SPEF2: variants seen among roughly 807,000 people sequenced by gnomAD.
SPEF2 encodes sperm flagella and cilia-associated protein 2.
Under a neutral mutation model 224.6 loss-of-function variants are expected in SPEF2, and 187 were observed. That is an observed-to-expected ratio of 0.83 (90% CI 0.74 to 0.94). The LOEUF is 0.94. Among genes scored for constraint, SPEF2 ranks in the 40% least tolerant of loss-of-function variants. SPEF2 has a pLI of 0.00. For synonymous variants in SPEF2, 715 were observed against 707.3 expected, an observed-to-expected ratio of 1.01 and a Z score of -0.17; for missense variants, 2,170 against 2,135.6, an observed-to-expected ratio of 1.02 and a Z score of -0.32.
At chr5:35,676,054 A>T in intron 10 of SPEF2, 1 of 454,808 alleles carries the variant, frequency 2.2e-6, no homozygotes, top group Non-Finnish European at 4.4e-6. Context: ...TCAAGACGTT[A>T]GACCAGAATT....
At chr5:35,770,423 G>A (rs566221037) in intron 26 of SPEF2, among the ~76,000 whole-genome samples, 6 of 151,928 alleles carry the variant, frequency 3.9e-5, no homozygotes, top group Admixed American at 6.6e-5. Flanking sequence ...CTATAGTCAC[G>A]GTGCTGGGCA....
Position 35,670,098 on chromosome 5 carries a change from AT to A in SPEF2, c.1401del (p.Phe467LeufsTer33). The A allele has an allele frequency of 6.2e-7, 1 of 1,610,006 alleles. No individual in the cohort carries two copies. The highest frequency in any genetic ancestry group is 8.5e-7 in the Non-Finnish European group (1 of 1,178,246). ...AGTTGATGCATGATTGGAAGGAACT[AT>A]TTTTTAATGCAAAACCCATATATGA... ...YKLMHDWKEL[F>X]FNAKPIYEQA... On this transcript the variant is annotated frameshift_variant, in exon 10 of 37. Coordinates refer to ENST00000356031, the MANE Select transcript of SPEF2 (RefSeq NM_024867.4). LOFTEE classifies it high-confidence loss of function.
At chr5:35,722,732 G>A (rs926469925) in intron 20 of SPEF2, among the ~76,000 whole-genome samples, 23 of 141,454 alleles carry the variant, frequency 1.6e-4, no homozygotes, top group Middle Eastern at 3.4e-3. Context: ...GAGAATATGC[G>A]GTGTTTGGTT....
At chr5:35,805,803 G>T (rs1757981615) in intron 34 of SPEF2, among the ~76,000 whole-genome samples, 2 of 152,194 alleles carry the variant, frequency 1.3e-5, no homozygotes, top group South Asian at 4.1e-4. Flanking sequence ...CCTACTGCAT[G>T]TACTACTTTG....
intron 18 of SPEF2, among the ~76,000 whole-genome samples, chr5:35,706,367 A>G (rs1213315872): frequency 6.6e-6 from 1 of 151,926 alleles, no homozygotes; most frequent in Non-Finnish European, 1.5e-5. Context: ...TATCTTACCC[A>G]CATAAAACTG....
At chr5:35,743,953 C>A (rs553857450) in intron 23 of SPEF2, among the ~76,000 whole-genome samples, 9 of 152,320 alleles carry the variant, frequency 5.9e-5, no homozygotes, top group Admixed American at 2.0e-4. Context: ...GGTAAAGAAG[C>A]CAACATAGTA....
intron 20 of SPEF2, among the ~76,000 whole-genome samples, chr5:35,719,251 G>T (rs6875846): frequency 0.74 from 112,056 of 152,074 alleles, 41,865 homozygotes; most frequent in Middle Eastern, 0.83. Flanking sequence ...AAAATATAGG[G>T]GAAAACTTAA....
intron 10 of SPEF2, among the ~76,000 whole-genome samples, chr5:35,676,920 C>T (rs11953910): frequency 0.027 from 4,064 of 152,144 alleles, 143 homozygotes; most frequent in African/African-American, 0.074. Context: ...CACCCCTGTC[C>T]GGTGTCAGGA....
rs1309365896 is a variant in SPEF2, at chr5:35,763,588, A to G, written c.3687A>G (p.Ser1229=). ...ETVTPKPKTK[S]VLKGKMDNSL... ...TTACACCCAAACCAAAAACAAAATCAGTACTGAAGGGCAAGATGGATAACT... is the reference window on the plus strand; with the variant it reads ...TTACACCCAAACCAAAAACAAAATCGGTACTGAAGGGCAAGATGGATAACT... Residue 1229 remains serine, a synonymous_variant, in exon 26 of 37, where the codon TCA becomes TCG. Coordinates refer to ENST00000356031, the MANE Select transcript of SPEF2 (RefSeq NM_024867.4). 1 of 1,613,370 alleles carries G rather than the reference A, an allele frequency of 6.2e-7. No individual in the cohort carries two copies. The highest frequency in any genetic ancestry group is 8.5e-7 in the Non-Finnish European group (1 of 1,179,798).
rs899639741 is a variant in SPEF2 at position 35,644,525 on chromosome 5, G to A, written c.585G>A (p.Lys195=). The change falls in exon 4 of 37, where the codon AAG becomes AAA. Residue 195 remains lysine (K), a splice_region_variant and synonymous_variant. Coordinates refer to ENST00000356031, the MANE Select transcript of SPEF2 (RefSeq NM_024867.4). ...KEEQRCFDIE[K]QYLNRRRQNE... is the part of the protein sequence containing the mutation. The stretch of plus-strand genomic sequence containing the variant: ...AGCAAAGATGTTTTGATATTGAAAA[G>A]GTTCTATAGAACTATTTTTTCAGAA... The A allele has an allele frequency of 1.3e-6, 2 of 1,589,100 alleles. No individual in the cohort carries two copies. Among genetic ancestry groups the A allele is most frequent in the South Asian group, 1.2e-5 (1 of 86,598 alleles).
At chr5:35,658,685 C>A (rs1749291318) in intron 7 of SPEF2, among the ~76,000 whole-genome samples, 1 of 151,606 alleles carries the variant, frequency 6.6e-6, no homozygotes, top group African/African-American at 2.4e-5. Context: ...TATTTCATCA[C>A]CCAGATATTA....
At chr5:35,692,034 G>A (rs897386826) in intron 11 of SPEF2, among the ~76,000 whole-genome samples, 28 of 151,756 alleles carry the variant, frequency 1.8e-4, no homozygotes, top group East Asian at 2.0e-4. Context: ...TCCTGATCTC[G>A]TGATCCACCC....
chr5:35,740,826 G>T (rs2149693053), intron 23 of SPEF2, among the ~76,000 whole-genome samples: 1 of 152,136 alleles, frequency 6.6e-6, no homozygotes, highest in South Asian at 2.1e-4. Flanking sequence ...CTTTAGAAAG[G>T]GGCCTCTGAT....
At chr5:35,800,612 C>T (rs1177944743) in intron 34 of SPEF2, among the ~76,000 whole-genome samples, 1 of 152,174 alleles carries the variant, frequency 6.6e-6, no homozygotes, top group Non-Finnish European at 1.5e-5. Context: ...TGTCCAAGGA[C>T]AAAGAAGCTT....
chr5:35,668,115 C>A (rs1425610775), intron 9 of SPEF2, among the ~76,000 whole-genome samples: 3 of 152,090 alleles, frequency 2.0e-5, no homozygotes, highest in Non-Finnish European at 4.4e-5. Context: ...TCTTAAAAAG[C>A]AGAATATGCA....
intron 26 of SPEF2, 118 bp downstream of exon 26, chr5:35,763,820 C>T: frequency 1.2e-6 from 1 of 867,486 alleles, no homozygotes; most frequent in Non-Finnish European, 1.6e-6. Context: ...GAAAATTGTA[C>T]CTTCGAAACA....
rs1192838341 is a variant in SPEF2 at position 35,759,713 on chromosome 5, A to C, written c.3614A>C (p.Gln1205Pro). The stretch of plus-strand genomic sequence containing the variant: ...GATAGTAAAGACAATTCTGAAAGCC[A>C]GCTTAGGTAAGGCAGGCTATTATAT... ...QLDSKDNSES[Q>P]LRIPLVPRIS... Residue 1205 changes from glutamine to proline, a missense_variant, in exon 25 of 37, where the codon CAG (glutamine) becomes CCG (proline). Gln to Pro is a moderately conservative substitution (Grantham distance 76). Transcript: ENST00000356031. 1.3e-6 allele frequency: 2 copies of C among 1,576,986 alleles called. No homozygotes were observed. The highest frequency in any genetic ancestry group is 1.7e-6 in the Non-Finnish European group (2 of 1,154,640).
intron 30 of SPEF2, among the ~76,000 whole-genome samples, chr5:35,791,325 G>C (rs967777591): frequency 6.6e-6 from 1 of 152,184 alleles, no homozygotes; most frequent in African/African-American, 2.4e-5. Flanking sequence ...TTACCTTCCA[G>C]ATCTCAAAAT....
chr5:35,703,343 A>G (rs10042664), intron 16 of SPEF2, among the ~76,000 whole-genome samples: 81,486 of 151,886 alleles, frequency 0.54, 22,286 homozygotes, highest in African/African-American at 0.56. Flanking sequence ...TCATTCATGC[A>G]GTTTAGGTTT....
Sources: allele counts gnomAD v4.1 joint callset (sites outside exome capture counted in the v4.1 genomes callset), GRCh38; gene constraint gnomAD v4.1.1; transcripts MANE v1.5; gene names NCBI Gene and HGNC (gene_info 2026-07-23, HGNC 2026-07-21).